Variants in A1CF observed in about 807,000 individuals in gnomAD.
A1CF encodes APOBEC1 complementation factor, also known as APOBEC-1 stimulating protein.
A neutral mutation model predicts 68.9 loss-of-function variants in A1CF; 48 were observed. The ratio of observed to expected loss-of-function variants is 0.70; its 90% confidence interval spans 0.55 to 0.89. The LOEUF (loss-of-function observed/expected upper bound fraction) is 0.89, where lower values mean the gene tolerates loss of function less well. Ranked by LOEUF, A1CF falls within the 40% of genes least tolerant of loss-of-function variation. The pLI is 0.00. For missense variants in A1CF, 653 were observed against 718.9 expected (o/e 0.91, Z 1.05); for synonymous variants, 272 against 260.4 (o/e 1.04, Z -0.43).
At chr10:50,870,585 G>T (rs1351084496) in intron 1 of A1CF, among the ~76,000 whole-genome samples, 1 of 151,792 alleles carries the variant, frequency 6.6e-6, no homozygotes. Flanking sequence ...TCAAGGATAA[G>T]TTAAAAATTT....
rs1329733350 is a variant in A1CF, at chr10:50,805,096, G to A, written c.*1633C>T. ...TTATCTCATTGGAGTTAGGACAACT[G>A]AAATGTTACAAGTACTTCTGATTGT... On this transcript the variant is annotated 3_prime_UTR_variant, in exon 13 of 13. Transcript: ENST00000373997. 1 of 152,152 alleles carries A rather than the reference G, an allele frequency of 6.6e-6. No homozygotes were observed. Among genetic ancestry groups the A allele is most frequent in the African/African-American group, 2.4e-5 (1 of 41,438 alleles). 9.4% of individuals were successfully genotyped at this position (152,152 alleles called of 1,614,324 possible).
intron 8 of A1CF, among the ~76,000 whole-genome samples, chr10:50,819,844 T>C (rs1040597329): frequency 6.8e-4 from 104 of 152,334 alleles, no homozygotes; most frequent in African/African-American, 2.4e-3. Context: ...ATAGCCCACT[T>C]CTTCCTTTGA....
At chr10:50,882,818 C>T (rs1841842419) in intron 1 of A1CF, among the ~76,000 whole-genome samples, 1 of 152,102 alleles carries the variant, frequency 6.6e-6, no homozygotes, top group Admixed American at 6.5e-5. Flanking sequence ...TGCAATAGTA[C>T]CCACAGTACT....
chr10:50,882,148 A>G (rs891372605), intron 1 of A1CF, among the ~76,000 whole-genome samples: 12 of 152,136 alleles, frequency 7.9e-5, no homozygotes, highest in Admixed American at 2.0e-4. Context: ...ATTAAAACTG[A>G]TAACCTAGAC....
intron 9 of A1CF, among the ~76,000 whole-genome samples, 195 bp from the exon 10 acceptor site, chr10:50,814,233 G>C (rs1838262117): frequency 6.6e-6 from 1 of 152,236 alleles, no homozygotes; most frequent in East Asian, 1.9e-4. Context: ...TTTAACATAG[G>C]TGTCTCTCTT....
At chr10:50,879,416 T>G (rs1423440519) in intron 1 of A1CF, among the ~76,000 whole-genome samples, 1 of 152,208 alleles carries the variant, frequency 6.6e-6, no homozygotes, top group Non-Finnish European at 1.5e-5. Context: ...CCTGTCACTA[T>G]GTTCATGGTG....
At chr10:50,878,037 G>A (rs968332879) in intron 1 of A1CF, among the ~76,000 whole-genome samples, 2 of 152,126 alleles carry the variant, frequency 1.3e-5, no homozygotes, top group Non-Finnish European at 2.9e-5. Context: ...CAGGAGAATC[G>A]CTTGAACCCG....
chr10:50,836,046 T>C, intron 6 of A1CF, 28 bp downstream of exon 6: 4 of 1,552,746 alleles, frequency 2.6e-6, no homozygotes, highest in Non-Finnish European at 3.5e-6. Flanking sequence ...GGCAGAGAAG[T>C]CTCATCTTTG....
At chr10:50,811,746 TTTTG>T (rs565056553) in intron 10 of A1CF, among the ~76,000 whole-genome samples, 9 of 152,330 alleles carry the variant, frequency 5.9e-5, no homozygotes, top group South Asian at 4.1e-4. Context: ...TTTCTGCCTT[TTTTG>T]TTTGTTTGTT....
intron 8 of A1CF, 184 bp from the exon 9 acceptor site, chr10:50,816,463 G>T: frequency 1.6e-6 from 1 of 643,870 alleles, no homozygotes; most frequent in Non-Finnish European, 2.6e-6. Flanking sequence ...CATTTTGTTG[G>T]TAAGTTGCAT....
At chr10:50,810,444 A>G (rs1233441834) in intron 11 of A1CF, among the ~76,000 whole-genome samples, 1 of 152,216 alleles carries the variant, frequency 6.6e-6, no homozygotes, top group African/African-American at 2.4e-5. Flanking sequence ...GTAGTTTCAT[A>G]TGCTTCAACC....
At chr10:50,839,356 C>T (rs1029802699) in intron 5 of A1CF, among the ~76,000 whole-genome samples, 2 of 152,156 alleles carry the variant, frequency 1.3e-5, no homozygotes, top group African/African-American at 4.8e-5. Flanking sequence ...CATGAAAGAC[C>T]AAGGAATGGG....
At chr10:50,870,191 A>G (rs1841186806) in intron 1 of A1CF, among the ~76,000 whole-genome samples, 1 of 151,910 alleles carries the variant, frequency 6.6e-6, no homozygotes, top group Non-Finnish European at 1.5e-5. Context: ...GCTATTTTGA[A>G]ATGTACACTA....
intron 5 of A1CF, among the ~76,000 whole-genome samples, chr10:50,841,440 C>T (rs1000124337): frequency 3.9e-5 from 6 of 152,140 alleles, no homozygotes; most frequent in African/African-American, 1.4e-4. Flanking sequence ...TTTCACTCTG[C>T]CAGAGAGTAT....
chr10:50,871,756 A>C (rs924896731), intron 1 of A1CF, among the ~76,000 whole-genome samples: 2 of 152,112 alleles, frequency 1.3e-5, no homozygotes, highest in African/African-American at 4.8e-5. Context: ...ATATCACCTC[A>C]TAACATGCCA....
chr10:50,880,845 A>T (rs995493582), intron 1 of A1CF, among the ~76,000 whole-genome samples: 8 of 152,138 alleles, frequency 5.3e-5, no homozygotes, highest in African/African-American at 1.7e-4. Flanking sequence ...GTTCCTTTAT[A>T]TCTTTCACTG....
chr10:50,806,962 C>T lies in A1CF; in HGVS notation c.1610-82G>A, dbSNP rs151063908. The T allele has an allele frequency of 4.4e-5, 61 of 1,400,806 alleles. No individual in the cohort carries two copies. In the East Asian group the frequency reaches 7.5e-4, roughly 17 times the overall value. The allele number at this position is 1,400,806 out of a possible 1,614,324, so 86.8% of individuals were successfully genotyped here. A position where few individuals can be genotyped will look rare whatever the true frequency, so the allele number is the denominator to read the frequency against. On this transcript the variant is annotated intron_variant, in intron 12 of 12. Transcript: ENST00000373997. ...GCTTATTTGTCTTCTTTTAGAAATACGAACATTTAACATATTGCTTAAAGC... is the reference window on the plus strand; with the variant it reads ...GCTTATTTGTCTTCTTTTAGAAATATGAACATTTAACATATTGCTTAAAGC...
chr10:50,851,852 A>T (rs1437369599), intron 3 of A1CF, among the ~76,000 whole-genome samples: 3 of 152,224 alleles, frequency 2.0e-5, no homozygotes, highest in Non-Finnish European at 2.9e-5. Flanking sequence ...GTTACAAAGG[A>T]TCACAGCTGC....
chr10:50,865,783 C>T (rs1479997357), intron 1 of A1CF, among the ~76,000 whole-genome samples: 2 of 152,200 alleles, frequency 1.3e-5, no homozygotes, highest in Non-Finnish European at 2.9e-5. Context: ...CTTTGACAAC[C>T]TCTGTAGGTA....
Sources: gnomAD v4.1 joint callset for allele counts (sites outside exome capture counted in the v4.1 genomes callset) on GRCh38, gnomAD v4.1.1 for gene constraint, MANE v1.5 for transcripts, NCBI Gene and HGNC (gene_info 2026-07-23, HGNC 2026-07-21) for gene names.